Variants in PCDHGA1 observed in about 807,000 individuals in gnomAD.
PCDHGA1 encodes protocadherin gamma subfamily A, 1, also known as protocadherin gamma-A1.
In PCDHGA1, 32 loss-of-function variants were observed where a neutral mutation model predicts 58.0. The ratio of observed to expected loss-of-function variants is 0.55; its 90% CI spans 0.42 to 0.74. The LOEUF is 0.74. Among genes scored for constraint, PCDHGA1 ranks in the 30% least tolerant of loss-of-function variants. The pLI, the probability that PCDHGA1 is intolerant of heterozygous loss-of-function variation, is 0.00. For synonymous variants in PCDHGA1, 498 were observed against 501.1 expected (o/e 0.99, Z 0.08); for missense variants, 1,205 against 1,182.3 (o/e 1.02, Z -0.28).
chr5:141,341,092 C>A (rs1170396854), intron 1 of PCDHGA1: 1 of 1,614,232 alleles, frequency 6.2e-7, no homozygotes, highest in Non-Finnish European at 8.5e-7. Flanking sequence ...TCCTGGCCTT[C>A]GTCATCGTGT....
chr5:141,352,394 C>G (rs370902348), intron 1 of PCDHGA1: 7 of 1,614,050 alleles, frequency 4.3e-6, no homozygotes, highest in Non-Finnish European at 5.9e-6. Context: ...CCTGCGCCTG[C>G]GACGTTCCTC....
In PCDHGA1 at chr5:141,503,993, C is replaced by T. The variant is rs376134059; in HGVS notation, c.2481-1400C>T. Reference sequence around the variant, plus strand: ...GTGCCAAACCCTTCTTCTTACCTTACAGTCACTTAACTGTCTCTGCTGGTC... The same window carrying T: ...GTGCCAAACCCTTCTTCTTACCTTATAGTCACTTAACTGTCTCTGCTGGTC... On this transcript the variant is annotated intron_variant, in intron 2 of 3. Transcript: ENST00000517417. Among the ~76,000 whole-genome samples, 13 of 152,312 alleles carry T rather than the reference C, an allele frequency of 8.5e-5. 1 individual carries two copies. In the East Asian group the frequency reaches 1.7e-3, roughly 20 times the overall value.
intron 1 of PCDHGA1, chr5:141,415,649 A>T: frequency 1.9e-6 from 3 of 1,597,710 alleles, no homozygotes; most frequent in Non-Finnish European, 2.6e-6. Context: ...GTTAAAAAAA[A>T]AAAGATTGGT....
rs768135284 is a variant in PCDHGA1, at chr5:141,489,277, T to C, written c.2422-5530T>C. ...GACACTCCCACAGCTCGCTGGGAAA[T>C]GGCAAGTGCTGTGCATGTTGTCCTT... On this transcript the variant is annotated intron_variant, in intron 1 of 3. Transcript: ENST00000517417. This position sits in a 1 kb window ranked among gnomAD's most constrained non-coding sequence, Gnocchi z 4.5. 7.1e-6 allele frequency: 11 copies of C among 1,556,078 alleles called. No individual in the cohort carries two copies. Among genetic ancestry groups the C allele is most frequent in the South Asian group, 3.7e-5 (3 of 80,348 alleles).
At position 141,476,761 on chromosome 5, in the gene PCDHGA1, G is replaced by C. The variant is rs1293828206; in HGVS notation, c.2422-18046G>C. ...AGCCTAGTCTCCAGTTAGTGCTGAC[G>C]GCGTTGGACGGAGGGACCCCAGCTC... On this transcript the variant is annotated intron_variant, in intron 1 of 3. Transcript: ENST00000517417. This position sits in a 1 kb window ranked among gnomAD's most constrained non-coding sequence, Gnocchi z 7.6. 6.2e-7 allele frequency: 1 copy of C among 1,613,734 alleles called. No individual in the cohort carries two copies. Among genetic ancestry groups the C allele is most frequent in the East Asian group, 2.2e-5 (1 of 44,884 alleles).
In PCDHGA1 at chr5:141,357,499, C is replaced by T. The variant is rs781648903; in HGVS notation, c.2421+24394C>T. On this transcript the variant is annotated intron_variant, in intron 1 of 3. Coordinates refer to ENST00000517417, the MANE Select transcript of PCDHGA1 (RefSeq NM_018912.3). The stretch of plus-strand genomic sequence containing the variant: ...CCTCACCGCGGACTCGCGGAAGAGT[C>T]ACCTGATCTTCTCCCAACCCAGCTA... The T allele has an allele frequency of 1.9e-6, 3 of 1,614,256 alleles. No individual in the cohort carries two copies. In the South Asian group the frequency reaches 3.3e-5, roughly 18 times the overall value.
At chr5:141,337,890 G>C (rs1373732345) in intron 1 of PCDHGA1, among the ~76,000 whole-genome samples, 1 of 152,188 alleles carries the variant, frequency 6.6e-6, no homozygotes, top group African/African-American at 2.4e-5. Flanking sequence ...CTGATTCCTA[G>C]TGTGGTGAAA....
chr5:141,332,992 T>A lies in PCDHGA1; in HGVS notation c.2308T>A (p.Phe770Ile). The A allele has an allele frequency of 6.2e-7, 1 of 1,614,162 alleles. No homozygotes were observed. The highest frequency in any genetic ancestry group is 8.5e-7 in the Non-Finnish European group (1 of 1,180,026). Residue 770 changes from phenylalanine (F) to isoleucine (I), a missense_variant, in exon 1 of 4, where the codon TTC (phenylalanine) becomes ATC (isoleucine). Coordinates refer to ENST00000517417, the MANE Select transcript of PCDHGA1 (RefSeq NM_018912.3). This position sits in a 1 kb window ranked among gnomAD's most constrained non-coding sequence, Gnocchi z 4.6. ...TADSRKSHLI[F>I]PQPNYADTLI... is the part of the protein sequence containing the mutation. The stretch of plus-strand genomic sequence containing the variant: ...GGACTCGCGGAAGAGCCACCTGATT[T>A]TCCCCCAGCCCAACTATGCGGACAC...
chr5:141,357,212 T>A (rs774627882), intron 1 of PCDHGA1: 9 of 1,613,742 alleles, frequency 5.6e-6, no homozygotes, highest in Non-Finnish European at 6.8e-6. Flanking sequence ...ATCCCAGATG[T>A]CCTGGCTGAC....
At position 141,486,735 on chromosome 5, in the gene PCDHGA1, G is replaced by T; in HGVS notation, c.2422-8072G>T. 6.2e-7 allele frequency: 1 copy of T among 1,614,176 alleles called. No individual in the cohort carries two copies. The highest frequency in any genetic ancestry group is 1.1e-5 in the South Asian group (1 of 91,086). On this transcript the variant is annotated intron_variant, in intron 1 of 3. Coordinates refer to ENST00000517417, the MANE Select transcript of PCDHGA1 (RefSeq NM_018912.3). The surrounding 1 kb of genome is among the most constrained non-coding windows in gnomAD (Gnocchi z 5.0). Reference sequence around the variant, plus strand: ...CAGACAGGAGCTGTTCATGCTACTCGATCCTTTGACTATGAGCAAACCCAG... The same window carrying T: ...CAGACAGGAGCTGTTCATGCTACTCTATCCTTTGACTATGAGCAAACCCAG...
In PCDHGA1 at chr5:141,431,354, G is replaced by T. The variant is rs777198567; in HGVS notation, c.2422-63453G>T. The T allele has an allele frequency of 1.9e-6, 3 of 1,614,036 alleles. No individual in the cohort carries two copies. In the South Asian group the frequency reaches 3.3e-5, roughly 18 times the overall value. ...GTACCCCGAATTGGTGCTGAAACGC[G>T]CCCTGGACCGCGAAGAAAAGGCTGC... On this transcript the variant is annotated intron_variant, in intron 1 of 3. Coordinates refer to ENST00000517417, the MANE Select transcript of PCDHGA1 (RefSeq NM_018912.3). This position sits in a 1 kb window ranked among gnomAD's most constrained non-coding sequence, Gnocchi z 4.8.
intron 1 of PCDHGA1, chr5:141,375,215 C>T: frequency 1.2e-6 from 2 of 1,614,004 alleles, no homozygotes; most frequent in Non-Finnish European, 1.7e-6. Flanking sequence ...AGACTCTGGC[C>T]TGAATGGCCT....
In PCDHGA1 at chr5:141,361,776, C is replaced by A. The variant is rs1291853084; in HGVS notation, c.2421+28671C>A. On this transcript the variant is annotated intron_variant, in intron 1 of 3. Transcript: ENST00000517417. ...CGCCCGCGCTCAGCGCCAACGTGAGCCTGCGCGTGTTAGTGGGCGACCTCA... is the reference window on the plus strand; with the variant it reads ...CGCCCGCGCTCAGCGCCAACGTGAGACTGCGCGTGTTAGTGGGCGACCTCA... 1.9e-6 allele frequency: 3 copies of A among 1,613,110 alleles called. No homozygotes were observed. In the East Asian group the frequency reaches 6.7e-5, roughly 36 times the overall value.
At chr5:141,478,891 A>G (rs1045274228) in intron 1 of PCDHGA1, 10 of 1,122,064 alleles carry the variant, frequency 8.9e-6, no homozygotes, top group Admixed American at 3.1e-5. Context: ...TATCATTTAC[A>G]TTAGGAATAA....
intron 1 of PCDHGA1, chr5:141,421,226 C>A (rs368125665): frequency 3.7e-5 from 58 of 1,584,718 alleles, no homozygotes; most frequent in Non-Finnish European, 4.6e-5. Context: ...TTAGAGCCTG[C>A]CATGGCGAAT....
chr5:141,424,497 A>G (rs2096824503), intron 1 of PCDHGA1: 2 of 152,174 alleles, frequency 1.3e-5, no homozygotes, highest in African/African-American at 2.4e-5. Flanking sequence ...GTTTGTATGT[A>G]TGGAAGGTTT....
At chr5:141,433,195 T>C (rs765385329) in intron 1 of PCDHGA1, 8 of 1,582,476 alleles carry the variant, frequency 5.1e-6, no homozygotes, top group Non-Finnish European at 6.9e-6. Flanking sequence ...TGAGTTTATA[T>C]CAAATCTTCT....
chr5:141,483,166 A>G (rs1288499520), intron 1 of PCDHGA1, among the ~76,000 whole-genome samples: 1 of 152,138 alleles, frequency 6.6e-6, no homozygotes, highest in Non-Finnish European at 1.5e-5. Flanking sequence ...ATCCTGAGTT[A>G]CCTTTGGGCC....
intron 1 of PCDHGA1, among the ~76,000 whole-genome samples, chr5:141,492,762 T>C (rs917580804): frequency 2.6e-5 from 4 of 152,206 alleles, no homozygotes; most frequent in African/African-American, 9.6e-5. Flanking sequence ...GGGCTCCGCG[T>C]TGGGCGAGTG....
Sources: gnomAD v4.1 joint callset for allele counts (sites outside exome capture counted in the v4.1 genomes callset) on GRCh38, gnomAD v4.1.1 for gene constraint, Gnocchi (gnomAD v3.1) non-coding constraint, MANE v1.5 for transcripts, NCBI Gene and HGNC (gene_info 2026-07-23, HGNC 2026-07-21) for gene names.